Variants in CTTNBP2 observed in about 807,000 individuals in gnomAD.
The protein encoded by CTTNBP2 is cortactin binding protein 2.
CTTNBP2 carries 108 observed loss-of-function variants against 156.9 expected under a neutral mutation model. The observed-to-expected ratio is 0.69, with a 90% CI of 0.59 to 0.81. The LOEUF is 0.81. CTTNBP2 is among the 30% of genes least tolerant of loss of function. The pLI is 0.00. For synonymous variants in CTTNBP2, 767 were observed against 751.8 expected (o/e 1.02, Z -0.33); for missense variants, 1,924 against 2,035.4 (o/e 0.95, Z 1.05).
intron 3 of CTTNBP2, among the ~76,000 whole-genome samples, chr7:117,794,047 G>A (rs545014610): frequency 2.6e-5 from 4 of 152,306 alleles, no homozygotes; most frequent in African/African-American, 9.6e-5. Flanking sequence ...CAGGGACTGT[G>A]TCCTTAAGAC....
At chr7:117,752,002 A>C (rs889525420) in intron 12 of CTTNBP2, among the ~76,000 whole-genome samples, 1 of 152,082 alleles carries the variant, frequency 6.6e-6, no homozygotes, top group Non-Finnish European at 1.5e-5. Context: ...TTTCACTAGG[A>C]CCTCACCCAG....
intron 20 of CTTNBP2, among the ~76,000 whole-genome samples, chr7:117,720,510 A>G (rs1047790450): frequency 2.0e-5 from 3 of 152,162 alleles, no homozygotes. Context: ...CCAGGCCAAC[A>G]TGGTGAAACG....
At chr7:117,744,728 T>TACAC (rs34300258) in intron 14 of CTTNBP2, among the ~76,000 whole-genome samples, 1,931 of 151,280 alleles carry the variant, frequency 0.013, 15 homozygotes, top group Non-Finnish European at 0.022. Context: ...CTACAAAAAA[T>TACAC]ACACACACAC....
chr7:117,824,399 T>C (rs947983335), intron 2 of CTTNBP2, among the ~76,000 whole-genome samples: 1 of 152,202 alleles, frequency 6.6e-6, no homozygotes, highest in Non-Finnish European at 1.5e-5. Flanking sequence ...ATCTTGCACA[T>C]ACACGAATCT....
intron 2 of CTTNBP2, among the ~76,000 whole-genome samples, chr7:117,837,048 C>T (rs755560472): frequency 9.9e-5 from 15 of 152,182 alleles, no homozygotes; most frequent in Non-Finnish European, 1.9e-4. Context: ...CAGTGTTTTG[C>T]CTGAGCAGAG....
intron 14 of CTTNBP2, among the ~76,000 whole-genome samples, chr7:117,743,293 A>C (rs548515518): frequency 6.6e-6 from 1 of 152,340 alleles, no homozygotes; most frequent in African/African-American, 2.4e-5. Context: ...TTTTGAGAAG[A>C]AGCAAGATTT....
Position 117,718,071 on chromosome 7 carries a change from T to C in CTTNBP2, c.4693A>G (p.Asn1565Asp). Reference sequence around the variant, plus strand: ...TTAATAGTTGCTGAAAGTACAGGGTTGTTTCCAGAACTATCAAACATCCTT... The same window carrying C: ...TTAATAGTTGCTGAAAGTACAGGGTCGTTTCCAGAACTATCAAACATCCTT... ...DLRMFDSSGN[N>D]PVLSATINNL... The change falls in exon 22 of 23, where the codon AAC becomes GAC. Residue 1565 changes from asparagine (N) to aspartate (D), a missense_variant. By Grantham distance (23) the Asn-to-Asp change is conservative (BLOSUM62 1). Transcript: ENST00000160373. 1.2e-6 allele frequency: 2 copies of C among 1,613,724 alleles called. No homozygotes were observed. The highest frequency in any genetic ancestry group is 1.7e-6 in the Non-Finnish European group (2 of 1,179,662).
At chr7:117,805,716 CA>C (rs1799897089) in intron 3 of CTTNBP2, among the ~76,000 whole-genome samples, 1 of 152,008 alleles carries the variant, frequency 6.6e-6, no homozygotes, top group African/African-American at 2.4e-5. Flanking sequence ...AAGTAGTTTC[CA>C]GTACTACTTT....
At chr7:117,857,656 T>G in intron 2 of CTTNBP2, among the ~76,000 whole-genome samples, 1 of 152,142 alleles carries the variant, frequency 6.6e-6, no homozygotes. Context: ...AGTTCAAAAC[T>G]ATTTACTATT....
chr7:117,744,340 T>C (rs1796196861), intron 14 of CTTNBP2, among the ~76,000 whole-genome samples: 1 of 151,944 alleles, frequency 6.6e-6, no homozygotes, highest in African/African-American at 2.4e-5. Flanking sequence ...AACACTACCC[T>C]TCTCTGCCTC....
At chr7:117,835,310 T>C (rs1801861434) in intron 2 of CTTNBP2, among the ~76,000 whole-genome samples, 1 of 152,200 alleles carries the variant, frequency 6.6e-6, no homozygotes, top group South Asian at 2.1e-4. Context: ...AGCTGACATC[T>C]TATATGTTTT....
At chr7:117,859,469 G>A (rs1435029015) in intron 2 of CTTNBP2, among the ~76,000 whole-genome samples, 2 of 152,156 alleles carry the variant, frequency 1.3e-5, no homozygotes, top group Non-Finnish European at 2.9e-5. Flanking sequence ...CAGTGCTGAT[G>A]CCTTTCACAA....
At chr7:117,824,485 T>C (rs755595707) in intron 2 of CTTNBP2, among the ~76,000 whole-genome samples, 1 of 152,262 alleles carries the variant, frequency 6.6e-6, no homozygotes, top group Non-Finnish European at 1.5e-5. Flanking sequence ...TGATTCAATT[T>C]TTTAACAGTG....
rs1798187110 is a variant in CTTNBP2, at chr7:117,777,747, G to A, written c.2542C>T (p.His848Tyr). 1.9e-6 allele frequency: 3 copies of A among 1,608,778 alleles called. No homozygotes were observed. The highest frequency in any genetic ancestry group is 2.2e-5 in the South Asian group (2 of 90,878). ...VKTTDGWTPV[H>Y]AAVDTGNVDS... is the part of the protein sequence containing the mutation. ...ACATTACCAGTGTCCACAGCTGCGTGAACTGGTGTCCAGCCATCCTGAAAA... is the reference window on the plus strand; with the variant it reads ...ACATTACCAGTGTCCACAGCTGCGTAAACTGGTGTCCAGCCATCCTGAAAA... Residue 848 changes from histidine to tyrosine, a missense_variant, in exon 8 of 23, where the codon CAC becomes TAC. Coordinates refer to ENST00000160373, the MANE Select transcript of CTTNBP2 (RefSeq NM_033427.3).
intron 2 of CTTNBP2, among the ~76,000 whole-genome samples, chr7:117,860,444 G>A (rs896154015): frequency 1.3e-5 from 2 of 151,616 alleles, no homozygotes; most frequent in African/African-American, 2.4e-5. Flanking sequence ...CCGAGTTCAC[G>A]CCATTCTCCT....
chr7:117,866,829 G>A (rs1281509270), intron 1 of CTTNBP2, among the ~76,000 whole-genome samples: 2 of 152,160 alleles, frequency 1.3e-5, no homozygotes, highest in Non-Finnish European at 2.9e-5. Flanking sequence ...GAGGAAAACT[G>A]ATTTTGCCTC....
At chr7:117,755,038 G>A (rs1160142581) in intron 12 of CTTNBP2, among the ~76,000 whole-genome samples, 1 of 152,222 alleles carries the variant, frequency 6.6e-6, no homozygotes, top group Non-Finnish European at 1.5e-5. Flanking sequence ...CTGAGAGACT[G>A]AGGCTAACAT....
chr7:117,839,832 C>T (rs1258838199), intron 2 of CTTNBP2, among the ~76,000 whole-genome samples: 10 of 152,136 alleles, frequency 6.6e-5, no homozygotes, highest in African/African-American at 1.9e-4. Context: ...CCAAAATTTC[C>T]CTAAAATAGT....
At chr7:117,809,628 C>G (rs1379863562) in intron 3 of CTTNBP2, among the ~76,000 whole-genome samples, 4 of 152,156 alleles carry the variant, frequency 2.6e-5, no homozygotes, top group African/African-American at 9.7e-5. Context: ...TTACTCAGTG[C>G]TTTAGTTTTC....
Sources: gnomAD v4.1 joint callset for allele counts (sites outside exome capture counted in the v4.1 genomes callset) on GRCh38, gnomAD v4.1.1 for gene constraint, MANE v1.5 for transcripts, NCBI Gene and HGNC (gene_info 2026-07-23, HGNC 2026-07-21) for gene names.